The following FGF1 variants were observed in gnomAD, a reference collection of about 807,000 sequenced individuals.
FGF1 encodes fibroblast growth factor 1.
A neutral mutation model predicts 13.4 loss-of-function variants in FGF1; 9 were observed. The observed-to-expected ratio is 0.67, with a 90% CI of 0.40 to 1.17. The LOEUF (loss-of-function observed/expected upper bound fraction) is 1.17, where lower values mean the gene tolerates loss of function less well. Ranked by LOEUF, FGF1 falls within the 50% of genes most tolerant of loss-of-function variation. FGF1 has a pLI of 0.01. For missense variants in FGF1, 156 were observed against 192.7 expected (o/e 0.81, Z 1.13); for synonymous variants, 93 against 79.0 (o/e 1.18, Z -0.94).
intron 3 of FGF1, among the ~76,000 whole-genome samples, chr5:142,597,010 G>A (rs987670279): frequency 6.6e-6 from 1 of 152,032 alleles, no homozygotes; most frequent in African/African-American, 2.4e-5. Flanking sequence ...ATTCAATACT[G>A]CTAACGAGAA....
intron 1 of FGF1, among the ~76,000 whole-genome samples, chr5:142,645,984 T>C (rs546359438): frequency 3.9e-4 from 59 of 152,186 alleles, no homozygotes; most frequent in African/African-American, 1.1e-3. Context: ...TCTTGGCTCA[T>C]TGCAAGCTCT....
intron 2 of FGF1, among the ~76,000 whole-genome samples, chr5:142,693,166 C>T (rs1752509694): frequency 6.6e-6 from 1 of 152,162 alleles, no homozygotes; most frequent in African/African-American, 2.4e-5. Context: ...TGACCTATGG[C>T]CAGGCTCTAT....
intron 1 of FGF1, among the ~76,000 whole-genome samples, chr5:142,642,683 G>A (rs6892323): frequency 0.18 from 27,678 of 152,200 alleles, 2,815 homozygotes; most frequent in Middle Eastern, 0.25. Context: ...CAGAGGAGAC[G>A]CTCACTGAGG....
chr5:142,691,105 C>T lies in FGF1; in HGVS notation c.-35+6517G>A, dbSNP rs546197574. Among the ~76,000 whole-genome samples, 314 of 152,258 alleles carry T rather than the reference C, an allele frequency of 2.1e-3. 3 individuals carry two copies. The highest frequency in any genetic ancestry group is 1.5e-3 in the Non-Finnish European group (105 of 68,024). On this transcript the variant is annotated intron_variant, in intron 2 of 4. Coordinates refer to the FGF1 transcript ENST00000407758. ...TTTTCCTCATACTACTTACTACTTT[C>T]TCAAAATTATTGTATTCATAAAATG...
intron 1 of FGF1, among the ~76,000 whole-genome samples, chr5:142,628,151 T>TA (rs1187586283): frequency 6.6e-6 from 1 of 152,198 alleles, no homozygotes; most frequent in African/African-American, 2.4e-5. Flanking sequence ...TCCAAGAAGC[T>TA]ATACTAAGAG....
chr5:142,679,156 T>C (rs1773221266), intron 1 of FGF1, among the ~76,000 whole-genome samples: 1 of 152,190 alleles, frequency 6.6e-6, no homozygotes, highest in Non-Finnish European at 1.5e-5. Context: ...ATCCTCAGTA[T>C]GGCCGCACAG....
At chr5:142,640,404 T>G (rs1597271444) in intron 1 of FGF1, among the ~76,000 whole-genome samples, 3 of 90,542 alleles carry the variant, frequency 3.3e-5, no homozygotes, top group African/African-American at 4.3e-5. Flanking sequence ...AAGGGGAGAG[T>G]GCACCAGGAG....
At chr5:142,658,805 C>T (rs182724570) in intron 1 of FGF1, among the ~76,000 whole-genome samples, 96 of 152,216 alleles carry the variant, frequency 6.3e-4, no homozygotes, top group East Asian at 3.5e-3. Flanking sequence ...GGAGAGTTGC[C>T]GTCCTGGTAC....
At chr5:142,619,757 C>T (rs946672003) in intron 1 of FGF1, among the ~76,000 whole-genome samples, 9 of 151,212 alleles carry the variant, frequency 6.0e-5, no homozygotes, top group East Asian at 2.0e-4. Flanking sequence ...CGCTTGAACC[C>T]GGGAGGCGGA....
intron 1 of FGF1, among the ~76,000 whole-genome samples, chr5:142,624,050 G>C (rs572673213): frequency 4.7e-4 from 71 of 152,276 alleles, no homozygotes; most frequent in Non-Finnish European, 8.2e-4. Context: ...CTCCCGAGTA[G>C]CTGGGAATAC....
intron 1 of FGF1, among the ~76,000 whole-genome samples, chr5:142,666,966 G>GAA (rs535097230): frequency 6.9e-6 from 1 of 144,528 alleles, no homozygotes; most frequent in South Asian, 2.2e-4. Context: ...GAAAGAGACA[G>GAA]AAAAAAAAAA....
At chr5:142,624,199 C>G (rs1386605412) in intron 1 of FGF1, among the ~76,000 whole-genome samples, 1 of 152,122 alleles carries the variant, frequency 6.6e-6, no homozygotes, top group Non-Finnish European at 1.5e-5. Flanking sequence ...GGATTACAGG[C>G]GTGAGCCACC....
chr5:142,673,040 T>C (rs1201129453), intron 1 of FGF1, among the ~76,000 whole-genome samples: 2 of 152,176 alleles, frequency 1.3e-5, no homozygotes, highest in African/African-American at 4.8e-5. Flanking sequence ...CAACAGATAA[T>C]AGCTATTGTT....
chr5:142,665,205 T>C (rs1255785154), intron 1 of FGF1, among the ~76,000 whole-genome samples: 1 of 152,050 alleles, frequency 6.6e-6, no homozygotes, highest in Non-Finnish European at 1.5e-5. Context: ...CAAACTTTAC[T>C]TTAGAAAAAT....
intron 1 of FGF1, among the ~76,000 whole-genome samples, chr5:142,660,762 C>G (rs2151998226): frequency 6.6e-6 from 1 of 152,376 alleles, no homozygotes; most frequent in African/African-American, 2.4e-5. Flanking sequence ...CAGTGACAGA[C>G]AGGCATCCCC....
At position 142,676,426 on chromosome 5, in the gene FGF1, T is replaced by C. The variant is rs550220005; in HGVS notation, c.-35+9531A>G. ...GCATGTAGTATAGACTTTAGATATA[T>C]TAACTCACATCTTCCTGTCAACAAC... On this transcript the variant is annotated intron_variant, in intron 1 of 3. Coordinates refer to ENST00000337706, the MANE Select transcript of FGF1 (RefSeq NM_000800.5). 4.6e-5 allele frequency among the ~76,000 whole-genome samples: 7 copies of C among 152,358 alleles called. No individual in the cohort carries two copies. The East Asian group carries it at 1.3e-3, about 29-fold the overall frequency.
intron 2 of FGF1, among the ~76,000 whole-genome samples, chr5:142,605,389 G>A (rs112630855): frequency 0.079 from 11,930 of 151,424 alleles, 633 homozygotes; most frequent in African/African-American, 0.15. Context: ...CCAAAATGCC[G>A]GGATTACAGG....
At chr5:142,685,287 C>T (rs769602717) in intron 1 of FGF1, among the ~76,000 whole-genome samples, 3 of 152,204 alleles carry the variant, frequency 2.0e-5, no homozygotes, top group Admixed American at 1.3e-4. Flanking sequence ...AGAAGTAATC[C>T]GAGTGACCAT....
rs151111116 is a variant in FGF1 at position 142,637,266 on chromosome 5, A to T, written c.-34-23105T>A. On this transcript the variant is annotated intron_variant, in intron 1 of 3. Transcript: ENST00000337706. Reference sequence around the variant, plus strand: ...CCAAACAAGATGTGCTGCTTTGAGAATGTGGAGGTCATTGACCTCCAGAGG... The same window carrying T: ...CCAAACAAGATGTGCTGCTTTGAGATTGTGGAGGTCATTGACCTCCAGAGG... 7.9e-5 allele frequency among the ~76,000 whole-genome samples: 12 copies of T among 152,022 alleles called. No individual in the cohort carries two copies. The East Asian group carries it at 2.1e-3, about 27-fold the overall frequency.
Sources: gnomAD v4.1 joint callset for allele counts (sites outside exome capture counted in the v4.1 genomes callset) on GRCh38, gnomAD v4.1.1 for gene constraint, MANE v1.5 for transcripts, NCBI Gene and HGNC (gene_info 2026-07-23, HGNC 2026-07-21) for gene names.